The following GIMAP8 variants were observed in gnomAD, a reference collection of about 807,000 sequenced individuals.
The protein encoded by GIMAP8 is GTPase IMAP family member 8.
Under a neutral mutation model 35.6 loss-of-function variants are expected in GIMAP8, and 29 were observed. The observed-to-expected ratio is 0.81, with a 90% CI of 0.61 to 1.11. The LOEUF (loss-of-function observed/expected upper bound fraction) is 1.11. Ranked by LOEUF, GIMAP8 falls within the 50% of genes most tolerant of loss-of-function variation. The probability of loss-of-function intolerance (pLI) is 0.00; values close to 1 mark genes in which losing one functional copy is unlikely to be tolerated. For missense variants in GIMAP8, 811 were observed against 805.0 expected, an observed-to-expected ratio of 1.01 and a Z score of -0.09; for synonymous variants, 335 against 308.7, an observed-to-expected ratio of 1.09 and a Z score of -0.89.
chr7:150,461,568 G>GT (rs1048380383), intron 1 of GIMAP8, among the ~76,000 whole-genome samples: 3 of 151,772 alleles, frequency 2.0e-5, no homozygotes, highest in East Asian at 1.9e-4. Context: ...TGTGCGATAT[G>GT]TTTTTTTTAA....
rs200127471 is a variant in GIMAP8, at chr7:150,477,571, C to T, written c.1789C>T (p.Arg597Ter). 1.1e-5 allele frequency: 17 copies of T among 1,614,030 alleles called. No individual in the cohort carries two copies. The highest frequency in any genetic ancestry group is 3.3e-5 in the South Asian group (3 of 91,054). ...GCGCATTTTTAAAAAGTGTGGGCGG[C>T]GAGTTTGTGCTTTTAACAACAAAGA... ...LRRIFKKCGR[R>*]VCAFNNKETG... is the part of the protein sequence containing the mutation. The change falls in exon 5 of 5, where the codon CGA (arginine) becomes TGA (stop). Residue 597 changes from arginine to a stop codon, truncating the protein, a stop_gained. Transcript: ENST00000307271. LOFTEE classifies it low-confidence loss of function (END_TRUNC).
intron 4 of GIMAP8, 113 bp from the exon 5 acceptor site, chr7:150,476,979 C>T (rs1182997138): frequency 2.5e-6 from 2 of 787,568 alleles, no homozygotes; most frequent in Non-Finnish European, 2.1e-6. Flanking sequence ...GGTCTTGATG[C>T]TGTTTGAACA....
intron 1 of GIMAP8, among the ~76,000 whole-genome samples, chr7:150,464,227 A>G (rs1303687459): frequency 6.6e-6 from 1 of 152,220 alleles, no homozygotes; most frequent in Non-Finnish European, 1.5e-5. Flanking sequence ...ATGTAATAAA[A>G]ACACTACAAA....
At position 150,477,495 on chromosome 7, in the gene GIMAP8, G is replaced by C. The variant is rs779281950; in HGVS notation, c.1713G>C (p.Gly571=). The change falls in exon 5 of 5, where the codon GGG becomes GGC. Residue 571 remains glycine, a synonymous_variant. Coordinates refer to ENST00000307271, the MANE Select transcript of GIMAP8 (RefSeq NM_175571.4). ...IMLFTRKEDL[G]AGNLEDFMKN... ...TGTTCACCCGGAAGGAAGACCTAGG[G>C]GCGGGGAATTTGGAAGACTTCATGA... 4 of 1,614,088 alleles carry C rather than the reference G, an allele frequency of 2.5e-6. No individual in the cohort carries two copies. In the Admixed American group the frequency reaches 5.0e-5, roughly 20 times the overall value.
At chr7:150,476,634 AAGG>A (rs1297237003) in intron 4 of GIMAP8, among the ~76,000 whole-genome samples, 1 of 152,254 alleles carries the variant, frequency 6.6e-6, no homozygotes, top group Non-Finnish European at 1.5e-5. Context: ...TAAATACTGT[AAGG>A]AGATGTTGCT....
intron 1 of GIMAP8, among the ~76,000 whole-genome samples, chr7:150,454,240 TTGAA>T (rs1563279211): frequency 6.7e-6 from 1 of 149,580 alleles, no homozygotes; most frequent in East Asian, 2.0e-4. Flanking sequence ...GCCTTTTACT[TTGAA>T]TGGGTGGAGA....
At position 150,466,878 on chromosome 7, in the gene GIMAP8, G is replaced by T; in HGVS notation, c.180G>T (p.Lys60Asn). The T allele has an allele frequency of 6.2e-7, 1 of 1,614,256 alleles. No homozygotes were observed. The highest frequency in any genetic ancestry group is 1.3e-5 in the African/African-American group (1 of 75,070). Residue 60 changes from lysine (K) to asparagine (N), a missense_variant, in exon 2 of 5, where the codon AAG becomes AAT. By Grantham distance (94) the Lys-to-Asn change is moderately conservative. Transcript: ENST00000307271. ...AGAGTTGGGTCCTGAGAGAAAGGAA[G>T]GTTGTGGTAATTGACACCCCTGACC... ...QRESWVLRERKVVVIDTPDLF... is the reference protein window; with the variant it reads ...QRESWVLRERNVVVIDTPDLF...
At chr7:150,468,254 C>G (rs1383491621) in intron 2 of GIMAP8, among the ~76,000 whole-genome samples, 2 of 152,228 alleles carry the variant, frequency 1.3e-5, no homozygotes, top group Non-Finnish European at 2.9e-5. Context: ...CAACCCATCT[C>G]ACACATTACA....
In GIMAP8 at chr7:150,470,887, T is replaced by A; in HGVS notation, c.682+13T>A. The stretch of plus-strand genomic sequence containing the variant: ...GACAAGCCACAGGGTAAGTTGATCT[T>A]TAAGAAACATTAAGCTCACACTTGT... On this transcript the variant is annotated intron_variant, in intron 3 of 4. Transcript: ENST00000307271. 1 of 1,551,122 alleles carries A rather than the reference T, an allele frequency of 6.4e-7. No homozygotes were observed. Among genetic ancestry groups the A allele is most frequent in the Non-Finnish European group, 8.9e-7 (1 of 1,122,900 alleles).
chr7:150,476,879 T>G (rs1802240618), intron 4 of GIMAP8, among the ~76,000 whole-genome samples: 1 of 152,198 alleles, frequency 6.6e-6, no homozygotes, highest in Admixed American at 6.5e-5. Flanking sequence ...AGACTGTATG[T>G]AGTCCAAGTC....
chr7:150,463,530 G>C (rs1253887919), intron 1 of GIMAP8, among the ~76,000 whole-genome samples: 1 of 152,164 alleles, frequency 6.6e-6, no homozygotes, highest in Non-Finnish European at 1.5e-5. Flanking sequence ...CTCTAGTGTT[G>C]ATTGGGTAGG....
intron 1 of GIMAP8, among the ~76,000 whole-genome samples, chr7:150,453,192 T>C (rs1311902669): frequency 2.6e-5 from 4 of 152,202 alleles, no homozygotes; most frequent in South Asian, 2.1e-4. Context: ...AGAGAGGAGA[T>C]AGGGCATTAG....
chr7:150,466,875 G>A lies in GIMAP8; in HGVS notation c.177G>A (p.Arg59=). The part of the protein sequence containing the change: ...CQRESWVLRE[R]KVVVIDTPDL... ...GAGAGAGTTGGGTCCTGAGAGAAAG[G>A]AAGGTTGTGGTAATTGACACCCCTG... The change falls in exon 2 of 5, where the codon AGG becomes AGA. Residue 59 remains arginine (R), a synonymous_variant. Coordinates refer to ENST00000307271, the MANE Select transcript of GIMAP8 (RefSeq NM_175571.4). The A allele has an allele frequency of 9.3e-6, 15 of 1,614,244 alleles. No homozygotes were observed. The highest frequency in any genetic ancestry group is 1.3e-5 in the Non-Finnish European group (15 of 1,180,046).
At position 150,477,331 on chromosome 7, in the gene GIMAP8, T is replaced by A. The variant is rs1238659578; in HGVS notation, c.1549T>A (p.Cys517Ser). 6.2e-7 allele frequency: 1 copy of A among 1,614,190 alleles called. No homozygotes were observed. Among genetic ancestry groups the A allele is most frequent in the Admixed American group, 1.7e-5 (1 of 60,026 alleles). ...PSRLEEEVKR[C>S]LSCCEKGDTF... ...CCGGTTAGAAGAGGAGGTCAAGCGC[T>A]GTTTGTCCTGCTGTGAAAAAGGGGA... Residue 517 changes from cysteine (C) to serine (S), a missense_variant, in exon 5 of 5, where the codon TGT becomes AGT. Cys to Ser is a moderately radical substitution (Grantham distance 112). Transcript: ENST00000307271.
rs143212982 is a variant in GIMAP8 at position 150,467,101 on chromosome 7, C to A, written c.403C>A (p.Arg135=). 4.8e-4 allele frequency: 773 copies of A among 1,614,084 alleles called. 2 individuals are homozygous for A. The African/African-American group carries it at 8.3e-3, about 17-fold the overall frequency. The change falls in exon 2 of 5, where the codon CGG becomes AGG. Residue 135 remains arginine (R), a synonymous_variant. Transcript: ENST00000307271. ...ARRHIIIVFT[R]KDDLGDDLLQ... ...GAGGCACATCATTATTGTCTTCACT[C>A]GGAAGGATGATTTGGGGGATGACTT...
chr7:150,452,709 T>TATATATATATATATATATACACAC (rs1373884339), intron 1 of GIMAP8, among the ~76,000 whole-genome samples: 1 of 106,632 alleles, frequency 9.4e-6, no homozygotes, highest in South Asian at 3.1e-4. Context: ...TATATATATA[T>TATATATATATATATATATACACAC]ACATGCGAGT....
chr7:150,470,832 T>A lies in GIMAP8; in HGVS notation c.640T>A (p.Cys214Ser), dbSNP rs772805930. 6 of 1,603,860 alleles carry A rather than the reference T, an allele frequency of 3.7e-6. No individual in the cohort carries two copies. The highest frequency in any genetic ancestry group is 5.1e-6 in the Non-Finnish European group (6 of 1,171,624). The change falls in exon 3 of 5, where the codon TGT (cysteine) becomes AGT (serine). Residue 214 changes from cysteine (C) to serine (S), a missense_variant. By Grantham distance (112) the Cys-to-Ser change is moderately radical (BLOSUM62 -1). Coordinates refer to ENST00000307271, the MANE Select transcript of GIMAP8 (RefSeq NM_175571.4). Reference protein sequence around the residue: ...FKTEGSRFQDCVNEAASQEGD... With the variant: ...FKTEGSRFQDSVNEAASQEGD... ...ATTTTGTTCCTTTATTTTCTAGGAT[T>A]GTGTGAATGAAGCTGCATCTCAAGA... is the stretch of plus-strand genomic sequence containing the variant.
rs186008186 is a variant in GIMAP8 at position 150,474,444 on chromosome 7, A to T, written c.1115A>T (p.Gln372Leu). The change falls in exon 4 of 5, where the codon CAG (glutamine) becomes CTG (leucine). Residue 372 changes from glutamine (Q) to leucine (L), a missense_variant. Gln to Leu is a moderately radical substitution (Grantham distance 113). Transcript: ENST00000307271. ...ACCAGGAAAGAAGATTTAGGGGATC[A>T]GGATCTAGATACGTTCTTAAGAAAC... ...LLTRKEDLGD[Q>L]DLDTFLRNSN... 1.2e-6 allele frequency: 2 copies of T among 1,613,866 alleles called. No individual in the cohort carries two copies. Among genetic ancestry groups the T allele is most frequent in the East Asian group, 4.5e-5 (2 of 44,886 alleles).
At position 150,467,297 on chromosome 7, in the gene GIMAP8, A is replaced by G; in HGVS notation, c.599A>G (p.Tyr200Cys). 6.2e-7 allele frequency: 1 copy of G among 1,613,630 alleles called. No individual in the cohort carries two copies. Among genetic ancestry groups the G allele is most frequent in the Non-Finnish European group, 8.5e-7 (1 of 1,179,526 alleles). ...TTGGTGAATACGAACGGAGGACCCT[A>G]TCATGTGAACTTCAAAACTGAAGGC... Reference protein sequence around the residue: ...ESLVNTNGGPYHVNFKTEGSR... With the variant: ...ESLVNTNGGPCHVNFKTEGSR... The change falls in exon 2 of 5, where the codon TAT (tyrosine) becomes TGT (cysteine). Residue 200 changes from tyrosine (Y) to cysteine (C), a missense_variant. Coordinates refer to ENST00000307271, the MANE Select transcript of GIMAP8 (RefSeq NM_175571.4).
Sources: gnomAD v4.1 joint callset for allele counts (sites outside exome capture counted in the v4.1 genomes callset) on GRCh38, gnomAD v4.1.1 for gene constraint, MANE v1.5 for transcripts, NCBI Gene and HGNC (gene_info 2026-07-23, HGNC 2026-07-21) for gene names.